VRK1: variants seen among roughly 807,000 people sequenced by gnomAD.
VRK1 encodes the protein VRK serine/threonine kinase 1.
VRK1 carries 33 observed loss-of-function variants against 57.1 expected under a neutral mutation model. The ratio of observed to expected loss-of-function variants is 0.58; its 90% CI spans 0.44 to 0.77. VRK1 has a LOEUF of 0.77. Ranked by LOEUF, VRK1 falls within the 30% of genes least tolerant of loss-of-function variation. The pLI is 0.00. For synonymous variants in VRK1, 137 were observed against 147.8 expected (o/e 0.93, Z 0.53); for missense variants, 413 against 477.3 (o/e 0.87, Z 1.25).
chr14:96,827,758 TTTAA>T (rs1394043063), intron 1 of VRK1, among the ~76,000 whole-genome samples: 4 of 152,214 alleles, frequency 2.6e-5, no homozygotes, highest in Non-Finnish European at 5.9e-5. Context: ...ATTTTCTTGT[TTTAA>T]TTGATTGTTT....
intron 1 of VRK1, among the ~76,000 whole-genome samples, chr14:96,807,828 G>C (rs965762268): frequency 2.6e-5 from 4 of 152,116 alleles, no homozygotes; most frequent in African/African-American, 7.2e-5. Context: ...TGGAATCCTA[G>C]TTCTTGGTTT....
chr14:96,829,593 G>A (rs1886929776), intron 1 of VRK1, among the ~76,000 whole-genome samples: 4 of 151,976 alleles, frequency 2.6e-5, no homozygotes, highest in Admixed American at 2.6e-4. Flanking sequence ...GATGTTCAGG[G>A]ACACAAGAGA....
intron 1 of VRK1, among the ~76,000 whole-genome samples, chr14:96,826,917 A>G (rs1042134233): frequency 2.0e-5 from 3 of 152,202 alleles, no homozygotes; most frequent in Non-Finnish European, 4.4e-5. Context: ...GTAGCCCTGA[A>G]CTAGAAAATA....
At position 96,856,135 on chromosome 14, in the gene VRK1, T is replaced by G. The variant is rs1566710055; in HGVS notation, c.715T>G (p.Ser239Ala). The G allele has an allele frequency of 2.5e-6, 4 of 1,613,712 alleles. No homozygotes were observed. The highest frequency in any genetic ancestry group is 3.4e-6 in the Non-Finnish European group (4 of 1,179,776). ...TTCTTCTCTTGCATTTGTAGCCCCATCAAGACGTGGTGATTTGGAAATACT... is the reference window on the plus strand; with the variant it reads ...TTCTTCTCTTGCATTTGTAGCCCCAGCAAGACGTGGTGATTTGGAAATACT... ...SIDAHNGVAP[S>A]RRGDLEILGY... The change falls in exon 9 of 13, where the codon TCA becomes GCA. Residue 239 changes from serine (S) to alanine (A), a missense_variant. By Grantham distance (99) the Ser-to-Ala change is moderately conservative. Around this residue, in one of 3 missense-constraint regions of VRK1, gnomAD observed 151 missense variants for 225.5 expected, o/e 0.67. Transcript: ENST00000216639.
intron 5 of VRK1, among the ~76,000 whole-genome samples, chr14:96,848,671 A>G (rs1887812879): frequency 6.6e-6 from 1 of 152,198 alleles, no homozygotes. Flanking sequence ...GTTAGTTAAG[A>G]GCAAGGATTC....
chr14:96,812,553 A>C (rs1886246399), intron 1 of VRK1, among the ~76,000 whole-genome samples: 1 of 152,194 alleles, frequency 6.6e-6, no homozygotes, highest in Admixed American at 6.5e-5. Context: ...TCTGTTTTGG[A>C]GAAATGTCTG....
chr14:96,810,444 G>A (rs1016809235), intron 1 of VRK1, among the ~76,000 whole-genome samples: 1 of 152,192 alleles, frequency 6.6e-6, no homozygotes, highest in Non-Finnish European at 1.5e-5. Context: ...TTAGTATTTT[G>A]CCTTTCAGAT....
chr14:96,829,431 A>G (rs893754747), intron 1 of VRK1, among the ~76,000 whole-genome samples: 2 of 152,084 alleles, frequency 1.3e-5, no homozygotes, highest in African/African-American at 4.8e-5. Context: ...TAAGCTTTTT[A>G]GTGAATGGGG....
chr14:96,835,481 C>T (rs1254845879), intron 2 of VRK1, among the ~76,000 whole-genome samples: 1 of 152,132 alleles, frequency 6.6e-6, no homozygotes, highest in East Asian at 1.9e-4. Context: ...TCAGGCTTCT[C>T]CTGCTGTCTC....
At chr14:96,834,911 T>C (rs138568131) in intron 2 of VRK1, among the ~76,000 whole-genome samples, 5 of 152,304 alleles carry the variant, frequency 3.3e-5, no homozygotes, top group African/African-American at 1.2e-4. Context: ...ATATGTGGAC[T>C]TATGCCATCC....
chr14:96,826,002 CATT>C (rs1318406652), intron 1 of VRK1, among the ~76,000 whole-genome samples: 2 of 152,150 alleles, frequency 1.3e-5, no homozygotes, highest in African/African-American at 4.8e-5. Context: ...GTGTAAGTGT[CATT>C]GTTGTGATTC....
intron 5 of VRK1, among the ~76,000 whole-genome samples, chr14:96,850,168 G>T (rs1310570591): frequency 6.6e-6 from 1 of 152,156 alleles, no homozygotes; most frequent in African/African-American, 2.4e-5. Context: ...TTAGGTTGAA[G>T]CTCTTAAAAA....
rs892536902 is a variant in VRK1, at chr14:96,868,808, T to A, written c.1069-7222T>A. 4.2e-3 allele frequency among the ~76,000 whole-genome samples: 632 copies of A among 151,600 alleles called. 4 individuals carry two copies. The highest frequency in any genetic ancestry group is 0.014 in the African/African-American group (586 of 41,340). On this transcript the variant is annotated intron_variant, in intron 11 of 12. Transcript: ENST00000216639. ...ATGTTAAGCATTTCTGTGCTTTTTT[T>A]TTTTTTTTTTTGAGACAGAGTTTTG...
chr14:96,837,650 T>C (rs1019937034), intron 2 of VRK1, 112 bp from the exon 3 acceptor site: 28 of 521,190 alleles, frequency 5.4e-5, no homozygotes, highest in Non-Finnish European at 8.3e-5. Context: ...CTGAAACACA[T>C]ACTTGGGAAC....
rs72711032 is a variant in VRK1, at chr14:96,854,208, A to C, written c.577-1016A>C. On this transcript the variant is annotated intron_variant, in intron 7 of 12. Coordinates refer to ENST00000216639, the MANE Select transcript of VRK1 (RefSeq NM_003384.3). Reference sequence around the variant, plus strand: ...CTTTTTAGATATTTCTAGGCTAAGAACAAAGAAAACGCAGCTAACAACCTG... The same window carrying C: ...CTTTTTAGATATTTCTAGGCTAAGACCAAAGAAAACGCAGCTAACAACCTG... 9.3e-3 allele frequency among the ~76,000 whole-genome samples: 1,421 copies of C among 152,288 alleles called. 19 individuals are homozygous for C. The highest frequency in any genetic ancestry group is 0.021 in the South Asian group (100 of 4,834).
intron 5 of VRK1, among the ~76,000 whole-genome samples, chr14:96,851,563 T>C (rs1377584241): frequency 6.6e-6 from 1 of 152,246 alleles, no homozygotes; most frequent in East Asian, 1.9e-4. Context: ...CAAAAATGAA[T>C]AGAATTCTGA....
chr14:96,819,697 T>G (rs1886526202), intron 1 of VRK1, among the ~76,000 whole-genome samples: 1 of 152,222 alleles, frequency 6.6e-6, no homozygotes, highest in South Asian at 2.1e-4. Context: ...GATGAACTCT[T>G]GGAAAGCATT....
At chr14:96,809,730 G>T (rs990998250) in intron 1 of VRK1, among the ~76,000 whole-genome samples, 1 of 151,856 alleles carries the variant, frequency 6.6e-6, no homozygotes, top group African/African-American at 2.4e-5. Flanking sequence ...CTGCCACCAC[G>T]CCTGGCTCAT....
intron 1 of VRK1, among the ~76,000 whole-genome samples, chr14:96,827,161 T>C (rs1273328251): frequency 1.3e-5 from 2 of 151,902 alleles, no homozygotes; most frequent in African/African-American, 4.8e-5. Flanking sequence ...GTCGCACAAG[T>C]GTATGTACGT....
Sources: allele counts gnomAD v4.1 joint callset (sites outside exome capture counted in the v4.1 genomes callset), GRCh38; gene constraint gnomAD v4.1.1; regional missense constraint gnomAD v4.1.1; transcripts MANE v1.5; gene names NCBI Gene and HGNC (gene_info 2026-07-23, HGNC 2026-07-21).